Variants in GPC4 observed in about 807,000 individuals in gnomAD.
The protein encoded by GPC4 is glypican 4, also known as glypican-4.
GPC4 carries 10 observed loss-of-function variants against 35.0 expected under a neutral mutation model. That is an observed-to-expected ratio of 0.29 (90% CI 0.18 to 0.48). GPC4 has a LOEUF of 0.48. Ranked by LOEUF, GPC4 falls within the 20% of genes least tolerant of loss-of-function variation. The pLI is 0.99. For synonymous variants in GPC4, 167 were observed against 170.2 expected (o/e 0.98, Z 0.15); for missense variants, 322 against 451.3 (o/e 0.71, Z 2.60).
At chrX:133,359,568 G>A (rs1024303202) in intron 1 of GPC4, among the ~76,000 whole-genome samples, 2 of 111,920 alleles carry the variant, frequency 1.8e-5, no homozygotes, top group African/African-American at 6.5e-5. Context: ...TCTATCAAAG[G>A]GAGGAAGCCA....
intron 1 of GPC4, among the ~76,000 whole-genome samples, chrX:133,407,110 TCATC>T (rs778500349): frequency 1.8e-5 from 2 of 109,361 alleles, no homozygotes; most frequent in African/African-American, 6.7e-5. Flanking sequence ...ACACACACAT[TCATC>T]CATCCATCCA....
chrX:133,400,635 G>T (rs933794686), intron 1 of GPC4, among the ~76,000 whole-genome samples: 1 of 111,861 alleles, frequency 8.9e-6, no homozygotes, highest in Non-Finnish European at 1.9e-5. Flanking sequence ...CTACAGATGG[G>T]AGTTCATATG....
At chrX:133,393,672 A>G (rs1603094582) in intron 1 of GPC4, among the ~76,000 whole-genome samples, 2 of 111,259 alleles carry the variant, frequency 1.8e-5, no homozygotes, top group Admixed American at 9.7e-5. Context: ...AAGAAAGAAA[A>G]AAAAAGAAAT....
chrX:133,324,333 G>T lies in GPC4; in HGVS notation c.523C>A (p.Leu175Met). ...GTAAAGTGGTACTGGGAGTTCACCA[G>T]GCGGAACATCCGCTCCAGGAGGCGA... The part of the protein sequence containing the change: ...WARLLERMFR[L>M]VNSQYHFTDE... The change falls in exon 3 of 9, where the codon CTG becomes ATG. Residue 175 changes from leucine to methionine, a missense_variant. Transcript: ENST00000370828. 5.0e-6 allele frequency: 6 copies of T among 1,211,229 alleles called. No individual in the cohort carries two copies. Among genetic ancestry groups the T allele is most frequent in the Non-Finnish European group, 6.7e-6 (6 of 895,243 alleles).
intron 1 of GPC4, among the ~76,000 whole-genome samples, chrX:133,349,163 T>C (rs992696899): frequency 8.9e-6 from 1 of 112,253 alleles, no homozygotes; most frequent in African/African-American, 3.2e-5. Flanking sequence ...TCATGGTGAT[T>C]CTCAGAGTAG....
In GPC4 at chrX:133,361,984, C is replaced by T. The variant is rs371495849; in HGVS notation, c.161-22643G>A. ...TCCCAGCACTTTGGGGAGTCTGAGGCGGGAGGATTGCTTGAGCTCAAGAGT... is the reference window on the plus strand; with the variant it reads ...TCCCAGCACTTTGGGGAGTCTGAGGTGGGAGGATTGCTTGAGCTCAAGAGT... On this transcript the variant is annotated intron_variant, in intron 1 of 8. Coordinates refer to ENST00000370828, the MANE Select transcript of GPC4 (RefSeq NM_001448.3). 1.0e-4 allele frequency among the ~76,000 whole-genome samples: 11 copies of T among 110,407 alleles called. No individual in the cohort carries two copies. In the East Asian group the frequency reaches 1.1e-3, roughly 11 times the overall value.
intron 3 of GPC4, among the ~76,000 whole-genome samples, chrX:133,316,369 C>A (rs1381665143): frequency 9.0e-6 from 1 of 111,615 alleles, no homozygotes; most frequent in Non-Finnish European, 1.9e-5. Flanking sequence ...CAATTTGGTT[C>A]CAGAGTAGGT....
At chrX:133,315,496 T>C (rs1460115932) in intron 3 of GPC4, among the ~76,000 whole-genome samples, 1 of 110,879 alleles carries the variant, frequency 9.0e-6, no homozygotes, top group African/African-American at 3.3e-5. Flanking sequence ...CAGACTTTGT[T>C]CTGGGGCTTT....
intron 1 of GPC4, among the ~76,000 whole-genome samples, chrX:133,410,528 A>C (rs989611337): frequency 8.9e-6 from 1 of 112,131 alleles, no homozygotes; most frequent in African/African-American, 3.2e-5. Context: ...ATACATTTTT[A>C]AAAACATAAA....
intron 1 of GPC4, among the ~76,000 whole-genome samples, chrX:133,342,098 G>A (rs952881014): frequency 1.3e-4 from 13 of 99,681 alleles, no homozygotes; most frequent in East Asian, 3.2e-4. Flanking sequence ...GTGCAGTGTC[G>A]TGATCTCGGC....
At chrX:133,399,130 G>A (rs1289800854) in intron 1 of GPC4, among the ~76,000 whole-genome samples, 2 of 111,646 alleles carry the variant, frequency 1.8e-5, no homozygotes, top group Non-Finnish European at 3.8e-5. Context: ...TTTTACTATT[G>A]CAAGGCCAGG....
chrX:133,311,021 A>T (rs972294427), intron 4 of GPC4, among the ~76,000 whole-genome samples: 3 of 111,691 alleles, frequency 2.7e-5, no homozygotes, highest in Non-Finnish European at 5.6e-5. Context: ...CTCATTATTA[A>T]AACCTGGCAG....
At chrX:133,328,731 A>C (rs1184944271) in intron 2 of GPC4, among the ~76,000 whole-genome samples, 1 of 111,536 alleles carries the variant, frequency 9.0e-6, no homozygotes, top group African/African-American at 3.3e-5. Context: ...ATTATGCCTG[A>C]AACTAATTAC....
At chrX:133,385,089 T>C (rs927349121) in intron 1 of GPC4, among the ~76,000 whole-genome samples, 1 of 112,442 alleles carries the variant, frequency 8.9e-6, no homozygotes, top group Non-Finnish European at 1.9e-5. Flanking sequence ...TCGTTATCAC[T>C]GTCCTGCACC....
At chrX:133,316,953 T>C (rs2068341410) in intron 3 of GPC4, among the ~76,000 whole-genome samples, 1 of 112,317 alleles carries the variant, frequency 8.9e-6, no homozygotes, top group Non-Finnish European at 1.9e-5. Context: ...CGGTACGTAA[T>C]GTGCATAAAA....
chrX:133,362,046 T>C (rs2068571171), intron 1 of GPC4, among the ~76,000 whole-genome samples: 1 of 109,828 alleles, frequency 9.1e-6, no homozygotes, highest in Non-Finnish European at 1.9e-5. Flanking sequence ...AGACCTCGTC[T>C]CTATATAAAA....
intron 1 of GPC4, among the ~76,000 whole-genome samples, chrX:133,347,248 G>GTTTGTTT (rs1556029439): frequency 2.0e-4 from 5 of 25,426 alleles, no homozygotes; most frequent in African/African-American, 7.0e-4. Context: ...TCTATTAGAA[G>GTTTGTTT]TTTTTTTTTT....
chrX:133,408,481 G>A (rs1387233059), intron 1 of GPC4, among the ~76,000 whole-genome samples: 1 of 112,312 alleles, frequency 8.9e-6, no homozygotes, highest in Non-Finnish European at 1.9e-5. Flanking sequence ...GCTCATGCCT[G>A]TAATCCCAGC....
intron 1 of GPC4, among the ~76,000 whole-genome samples, chrX:133,403,864 T>G (rs1400564578): frequency 9.1e-6 from 1 of 110,161 alleles, no homozygotes; most frequent in Non-Finnish European, 1.9e-5. Flanking sequence ...CCCCAGCTAA[T>G]TTTTGTGTTT....
Sources: gnomAD v4.1 joint callset for allele counts (sites outside exome capture counted in the v4.1 genomes callset) on GRCh38, gnomAD v4.1.1 for gene constraint, MANE v1.5 for transcripts, NCBI Gene and HGNC (gene_info 2026-07-23, HGNC 2026-07-21) for gene names.